ZBTB20: variants seen among roughly 807,000 people sequenced by gnomAD.
ZBTB20 encodes zinc finger and BTB domain-containing protein 20.
Under a neutral mutation model 56.9 loss-of-function variants are expected in ZBTB20, and 9 were observed. That is an observed-to-expected ratio of 0.16 (90% CI 0.10 to 0.28). The LOEUF (loss-of-function observed/expected upper bound fraction) is 0.28, where lower values mean the gene tolerates loss of function less well. Among genes scored for constraint, ZBTB20 ranks in the 10% least tolerant of loss-of-function variants. The pLI is 1.00. For missense variants in ZBTB20, 655 were observed against 1,003.0 expected (o/e 0.65, Z 4.69); for synonymous variants, 417 against 420.7 (o/e 0.99, Z 0.11).
chr3:115,077,205 A>G (rs941864473), intron 1 of ZBTB20, among the ~76,000 whole-genome samples: 1 of 152,164 alleles, frequency 6.6e-6, no homozygotes, highest in Non-Finnish European at 1.5e-5. Flanking sequence ...AAAAAAAACT[A>G]ATAATCCAAC....
At chr3:114,844,520 CAAAAAAAAAAAAAAAA>C (rs71146342) in intron 4 of ZBTB20, among the ~76,000 whole-genome samples, 21 of 22,810 alleles carry the variant, frequency 9.2e-4, no homozygotes, top group South Asian at 8.2e-3. Flanking sequence ...GTCCCTGTCT[CAAAAAAAAAAAAAAAA>C]AAAAAAAAAA....
rs186133058 is a variant in ZBTB20, at chr3:114,891,405, A to G, written c.-417+8899T>C. Among the ~76,000 whole-genome samples the G allele has an allele frequency of 5.4e-4, 83 of 152,348 alleles. 1 individual carries two copies. The highest frequency in any genetic ancestry group is 1.8e-3 in the African/African-American group (74 of 41,586). ...CCTGTATCATGTCTCCTCAAGTATC[A>G]TAAGATTCTTGCATGTAATACTTCT... On this transcript the variant is annotated intron_variant, in intron 4 of 11. Coordinates refer to ENST00000675478, the MANE Select transcript of ZBTB20 (RefSeq NM_001348800.3).
chr3:115,017,781 T>A (rs1389443507), intron 2 of ZBTB20, among the ~76,000 whole-genome samples: 1 of 151,560 alleles, frequency 6.6e-6, no homozygotes, highest in Non-Finnish European at 1.5e-5. Flanking sequence ...GAATTGGAGA[T>A]ATAATGGTAA....
intron 2 of ZBTB20, among the ~76,000 whole-genome samples, chr3:114,976,674 A>G (rs1266509064): frequency 2.0e-5 from 3 of 152,134 alleles, no homozygotes; most frequent in Non-Finnish European, 4.4e-5. Flanking sequence ...TTTAGGATTA[A>G]ATAATACATA....
At chr3:114,422,809 T>C (rs981645519) in intron 7 of ZBTB20, among the ~76,000 whole-genome samples, 10 of 152,134 alleles carry the variant, frequency 6.6e-5, no homozygotes, top group Non-Finnish European at 4.4e-5. Flanking sequence ...CACCTGTGTG[T>C]TCTTATTTAT....
chr3:114,654,468 T>C (rs1415469005), intron 6 of ZBTB20, among the ~76,000 whole-genome samples: 3 of 151,038 alleles, frequency 2.0e-5, no homozygotes, highest in Admixed American at 6.6e-5. Flanking sequence ...TAATTAATTA[T>C]AAACAAGAAG....
At chr3:114,417,685 A>C (rs1052111688) in intron 7 of ZBTB20, among the ~76,000 whole-genome samples, 7 of 152,064 alleles carry the variant, frequency 4.6e-5, no homozygotes, top group Admixed American at 3.9e-4. Flanking sequence ...GGACAGCCTT[A>C]TGGAAATCCT....
intron 6 of ZBTB20, among the ~76,000 whole-genome samples, chr3:114,667,916 T>C (rs1217334406): frequency 2.0e-5 from 3 of 151,982 alleles, no homozygotes; most frequent in Non-Finnish European, 1.5e-5. Flanking sequence ...AGCAAAATAA[T>C]ATTCTCTCAA....
At chr3:114,964,545 T>C (rs893329034) in intron 3 of ZBTB20, among the ~76,000 whole-genome samples, 2 of 152,220 alleles carry the variant, frequency 1.3e-5, no homozygotes, top group East Asian at 1.9e-4. Context: ...GCTGGTGAAA[T>C]AGCAAGTTTT....
intron 2 of ZBTB20, among the ~76,000 whole-genome samples, chr3:115,068,948 A>C (rs1005606025): frequency 6.6e-6 from 1 of 152,090 alleles, no homozygotes; most frequent in Non-Finnish European, 1.5e-5. Context: ...ATCAACCACT[A>C]TAACATTCAA....
intron 6 of ZBTB20, among the ~76,000 whole-genome samples, chr3:114,580,227 T>C (rs900709368): frequency 2.0e-5 from 3 of 151,658 alleles, no homozygotes; most frequent in Non-Finnish European, 4.4e-5. Flanking sequence ...TAATATCTTA[T>C]AAAATATTAA....
In ZBTB20 at chr3:114,351,727, T is replaced by C. The variant is rs201494800; in HGVS notation, c.351A>G (p.Ala117=). Residue 117 remains alanine, a synonymous_variant, in exon 11 of 12, where the codon GCA becomes GCG. Transcript: ENST00000675478. ...TVRIHGSMLR[A]HRCVLAAGSP... ...TGCCGGCTGCCAGCACGCAGCGGTG[T>C]GCGCGCAGCATGCTCCCGTGGATGC... is the stretch of plus-strand genomic sequence containing the variant. 17 of 1,614,022 alleles carry C rather than the reference T, an allele frequency of 1.1e-5. No individual in the cohort carries two copies. The highest frequency in any genetic ancestry group is 1.4e-5 in the Non-Finnish European group (16 of 1,180,012).
chr3:115,032,540 A>T (rs2080730290), intron 2 of ZBTB20, among the ~76,000 whole-genome samples: 1 of 151,456 alleles, frequency 6.6e-6, no homozygotes, highest in Non-Finnish European at 1.5e-5. Context: ...ATAACAATAA[A>T]ACAGACATAC....
At chr3:115,072,560 C>T (rs947344011) in intron 1 of ZBTB20, among the ~76,000 whole-genome samples, 1 of 152,182 alleles carries the variant, frequency 6.6e-6, no homozygotes, top group African/African-American at 2.4e-5. Context: ...CACAGCAACG[C>T]ATAATCCAAC....
Position 114,871,178 on chromosome 3 carries a change from C to T in ZBTB20, c.-417+29126G>A, listed in dbSNP as rs1054619022. On this transcript the variant is annotated intron_variant, in intron 4 of 11. Coordinates refer to ENST00000675478, the MANE Select transcript of ZBTB20 (RefSeq NM_001348800.3). ...AGCTTTGTAAACCACTGGCAAATAC[C>T]CTCTTATTATCTCCCCTGCCCCATC... Among the ~76,000 whole-genome samples, 5 of 152,100 alleles carry T rather than the reference C, an allele frequency of 3.3e-5. 1 individual carries two copies. The highest frequency in any genetic ancestry group is 3.3e-4 in the Admixed American group (5 of 15,248).
chr3:114,993,294 A>C (rs1396093852), intron 2 of ZBTB20, among the ~76,000 whole-genome samples: 1 of 151,992 alleles, frequency 6.6e-6, no homozygotes, highest in Non-Finnish European at 1.5e-5. Flanking sequence ...TATTTATAGA[A>C]AGACTCTAAG....
At chr3:114,568,207 T>C (rs1000346287) in intron 6 of ZBTB20, among the ~76,000 whole-genome samples, 1 of 152,096 alleles carries the variant, frequency 6.6e-6, no homozygotes, top group Non-Finnish European at 1.5e-5. Flanking sequence ...TACAACTAAT[T>C]AGTAAAATTC....
At chr3:115,103,143 T>A (rs1360684452) in intron 1 of ZBTB20, 1 of 152,144 alleles carries the variant, frequency 6.6e-6, no homozygotes. Flanking sequence ...TCTGAAGAAA[T>A]CATTGTAATT....
chr3:114,342,857 G>A (rs556665409), intron 11 of ZBTB20, among the ~76,000 whole-genome samples: 22 of 152,202 alleles, frequency 1.4e-4, no homozygotes, highest in Admixed American at 5.9e-4. Context: ...TAAAGGTATC[G>A]TCTACTCTCT....
Sources: gnomAD v4.1 joint callset for allele counts (sites outside exome capture counted in the v4.1 genomes callset) on GRCh38, gnomAD v4.1.1 for gene constraint, MANE v1.5 for transcripts, NCBI Gene and HGNC (gene_info 2026-07-23, HGNC 2026-07-21) for gene names.